NDST3: variants seen among roughly 807,000 people sequenced by gnomAD.
The protein encoded by NDST3 is bifunctional heparan sulfate N-deacetylase/N-sulfotransferase 3.
In NDST3, 58 loss-of-function variants were observed where a neutral mutation model predicts 96.1. The ratio of observed to expected loss-of-function variants is 0.60; its 90% confidence interval spans 0.49 to 0.75. The LOEUF (loss-of-function observed/expected upper bound fraction) is 0.75, where lower values mean the gene tolerates loss of function less well. Among genes scored for constraint, NDST3 ranks in the 30% least tolerant of loss-of-function variants. NDST3 has a pLI of 0.00. For synonymous variants in NDST3, 333 were observed against 359.7 expected, an observed-to-expected ratio of 0.93 and a Z score of 0.84; for missense variants, 788 against 1,034.2, an observed-to-expected ratio of 0.76 and a Z score of 3.27.
chr4:118,091,767 C>A (rs1008284149), intron 2 of NDST3, among the ~76,000 whole-genome samples: 3 of 151,722 alleles, frequency 2.0e-5, no homozygotes, highest in Non-Finnish European at 4.4e-5. Flanking sequence ...AACTAGAGCC[C>A]ATATAGACCT....
chr4:118,199,725 A>G (rs920940782), intron 6 of NDST3, among the ~76,000 whole-genome samples: 4 of 152,116 alleles, frequency 2.6e-5, no homozygotes, highest in African/African-American at 9.7e-5. Flanking sequence ...CAGATATTCA[A>G]AAGGACTTGG....
At chr4:118,136,006 T>A (rs1733054890) in intron 4 of NDST3, among the ~76,000 whole-genome samples, 1 of 152,254 alleles carries the variant, frequency 6.6e-6, no homozygotes, top group African/African-American at 2.4e-5. Context: ...GTCTCTGCTA[T>A]GCTGGGCCAT....
Position 118,054,085 on chromosome 4 carries a change from C to T in NDST3, c.175C>T (p.Pro59Ser). Residue 59 changes from proline (P) to serine (S), a missense_variant, in exon 2 of 14, where the codon CCA becomes TCA. Pro to Ser is a moderately conservative substitution (Grantham distance 74, BLOSUM62 -1). Around this residue, in one of 3 missense-constraint regions of NDST3, gnomAD observed 234 missense variants for 256.9 expected, o/e 0.91. Coordinates refer to ENST00000296499, the MANE Select transcript of NDST3 (RefSeq NM_004784.3). ...TGACTGTGGCGACCTCCAACACCTA[C>T]CATATCAACTAATGGAAGTGAAAGC... ...EVDCGDLQHL[P>S]YQLMEVKAMK... 6.2e-7 allele frequency: 1 copy of T among 1,613,002 alleles called. No homozygotes were observed. Among genetic ancestry groups the T allele is most frequent in the Non-Finnish European group, 8.5e-7 (1 of 1,179,320 alleles).
At chr4:118,234,530 A>T (rs1032351467) in intron 9 of NDST3, among the ~76,000 whole-genome samples, 3 of 152,104 alleles carry the variant, frequency 2.0e-5, no homozygotes, top group Admixed American at 6.6e-5. Context: ...GACTAAAAGG[A>T]CTGAATAAAA....
At position 118,129,909 on chromosome 4, in the gene NDST3, C is replaced by T. The variant is rs112345228; in HGVS notation, c.1225-8145C>T. 5.6e-3 allele frequency among the ~76,000 whole-genome samples: 845 copies of T among 152,064 alleles called. 6 individuals are homozygous for T. Among genetic ancestry groups the T allele is most frequent in the Middle Eastern group, 0.017 (5 of 294 alleles). ...TATTTTAAATTGTTATATACTATTACGGGGTTGACTCCTTTATCATTATAT... is the reference window on the plus strand; with the variant it reads ...TATTTTAAATTGTTATATACTATTATGGGGTTGACTCCTTTATCATTATAT... On this transcript the variant is annotated intron_variant, in intron 4 of 13. Transcript: ENST00000296499.
chr4:118,237,143 G>C lies in NDST3; in HGVS notation c.2041G>C (p.Ala681Pro). Reference protein sequence around the residue: ...YFHSEEAPKRAASLVPKAKII... With the variant: ...YFHSEEAPKRPASLVPKAKII... ...CCACTCAGAGGAAGCCCCTAAAAGAGCTGCTTCTCTGGTTCCCAAAGCCAA... is the reference window on the plus strand; with the variant it reads ...CCACTCAGAGGAAGCCCCTAAAAGACCTGCTTCTCTGGTTCCCAAAGCCAA... The change falls in exon 10 of 14, where the codon GCT (alanine) becomes CCT (proline). Residue 681 changes from alanine (A) to proline (P), a missense_variant. By Grantham distance (27) the Ala-to-Pro change is conservative. This residue lies in a region of NDST3 where 490 missense variants were observed against 708.8 expected (regional missense o/e 0.69). Coordinates refer to ENST00000296499, the MANE Select transcript of NDST3 (RefSeq NM_004784.3). 6.2e-7 allele frequency: 1 copy of C among 1,613,640 alleles called. No individual in the cohort carries two copies. The highest frequency in any genetic ancestry group is 8.5e-7 in the Non-Finnish European group (1 of 1,179,792).
At chr4:118,063,553 G>A (rs2110471988) in intron 2 of NDST3, among the ~76,000 whole-genome samples, 1 of 152,202 alleles carries the variant, frequency 6.6e-6, no homozygotes, top group East Asian at 1.9e-4. Flanking sequence ...CATGTTTCTA[G>A]AAAATAAATC....
chr4:118,064,867 C>A (rs1490544020), intron 2 of NDST3, among the ~76,000 whole-genome samples: 1 of 152,144 alleles, frequency 6.6e-6, no homozygotes, highest in African/African-American at 2.4e-5. Context: ...AACCCATCAC[C>A]TTGCTTTTTC....
intron 4 of NDST3, among the ~76,000 whole-genome samples, chr4:118,121,590 T>G (rs1041866760): frequency 3.9e-5 from 6 of 152,150 alleles, no homozygotes; most frequent in Non-Finnish European, 7.4e-5. Context: ...CAGCTTTAAC[T>G]AAACCAGTGG....
chr4:118,216,852 A>G (rs1739225641), intron 6 of NDST3, among the ~76,000 whole-genome samples: 1 of 152,140 alleles, frequency 6.6e-6, no homozygotes, highest in Admixed American at 6.6e-5. Flanking sequence ...AACTGACCCT[A>G]GAATTTTTCA....
At chr4:118,143,082 G>A (rs1478220131) in intron 5 of NDST3, among the ~76,000 whole-genome samples, 1 of 152,108 alleles carries the variant, frequency 6.6e-6, no homozygotes, top group African/African-American at 2.4e-5. Context: ...AATTTAAAAT[G>A]TCATTCCCTA....
At chr4:118,133,924 T>A (rs1732854720) in intron 4 of NDST3, among the ~76,000 whole-genome samples, 2 of 152,300 alleles carry the variant, frequency 1.3e-5, no homozygotes, top group South Asian at 4.1e-4. Flanking sequence ...TCATGAACCT[T>A]ATTGTTTAAT....
At chr4:118,116,366 ATTG>A (rs143869319) in intron 4 of NDST3, among the ~76,000 whole-genome samples, 11 of 152,126 alleles carry the variant, frequency 7.2e-5, no homozygotes, top group Non-Finnish European at 1.3e-4. Context: ...GAGGAGTGAA[ATTG>A]TTGTTGTTGT....
intron 4 of NDST3, among the ~76,000 whole-genome samples, chr4:118,122,661 G>A (rs1022045605): frequency 6.6e-6 from 1 of 152,002 alleles, no homozygotes; most frequent in African/African-American, 2.4e-5. Flanking sequence ...ATCAGGAAAC[G>A]TGAAACTTGA....
intron 6 of NDST3, among the ~76,000 whole-genome samples, chr4:118,164,231 A>G (rs1735395090): frequency 6.6e-6 from 1 of 152,202 alleles, no homozygotes; most frequent in Admixed American, 6.5e-5. Flanking sequence ...TTAGCAAGCT[A>G]CCACAGGAAC....
At chr4:118,234,337 C>T (rs887491651) in intron 9 of NDST3, among the ~76,000 whole-genome samples, 4 of 151,980 alleles carry the variant, frequency 2.6e-5, no homozygotes, top group African/African-American at 9.7e-5. Context: ...AACCTGAGCC[C>T]ATGGAGGTTG....
intron 2 of NDST3, among the ~76,000 whole-genome samples, chr4:118,060,792 C>T (rs1725832589): frequency 6.6e-6 from 1 of 151,936 alleles, no homozygotes. Context: ...ATCTTCATAC[C>T]TCAGTCAAAA....
chr4:118,233,165 A>T (rs768537669), intron 9 of NDST3, 30 bp downstream of exon 9: 79 of 1,590,600 alleles, frequency 5.0e-5, no homozygotes, highest in Non-Finnish European at 6.6e-5. Flanking sequence ...TAAATCTAAA[A>T]GTATATGTAC....
At chr4:118,188,711 T>C (rs972178095) in intron 6 of NDST3, among the ~76,000 whole-genome samples, 6 of 152,180 alleles carry the variant, frequency 3.9e-5, no homozygotes, top group African/African-American at 1.2e-4. Flanking sequence ...GGAATTCTTA[T>C]CCAGGCTTCA....
Sources: allele counts gnomAD v4.1 joint callset (sites outside exome capture counted in the v4.1 genomes callset), GRCh38; gene constraint gnomAD v4.1.1; regional missense constraint gnomAD v4.1.1; transcripts MANE v1.5; gene names NCBI Gene and HGNC (gene_info 2026-07-23, HGNC 2026-07-21).